Variants in CHST8 observed in about 807,000 individuals in gnomAD.
CHST8 encodes the protein GALNAC-4-ST1.
A neutral mutation model predicts 15.0 loss-of-function variants in CHST8; 10 were observed. The observed-to-expected ratio is 0.67, with a 90% CI of 0.41 to 1.13. The LOEUF is 1.13. Ranked by LOEUF, CHST8 falls within the 50% of genes most tolerant of loss-of-function variation. The pLI is 0.00. For missense variants in CHST8, 634 were observed against 608.2 expected, an observed-to-expected ratio of 1.04 and a Z score of -0.45; for synonymous variants, 259 against 256.6, an observed-to-expected ratio of 1.01 and a Z score of -0.09.
intron 1 of CHST8, among the ~76,000 whole-genome samples, chr19:33,653,787 T>A (rs994033986): frequency 6.6e-6 from 1 of 152,190 alleles, no homozygotes; most frequent in African/African-American, 2.4e-5. Context: ...AATAAGTTGA[T>A]GTATATAAGG....
chr19:33,727,365 C>T (rs913101138), intron 3 of CHST8, among the ~76,000 whole-genome samples: 4 of 152,050 alleles, frequency 2.6e-5, no homozygotes, highest in Non-Finnish European at 5.9e-5. Context: ...AAGGAGTCGC[C>T]GTATGTGTGA....
Position 33,635,247 on chromosome 19 carries a change from A to C in CHST8, c.-164+12951A>C, listed in dbSNP as rs968498893. Among the ~76,000 whole-genome samples the C allele has an allele frequency of 2.0e-5, 3 of 152,080 alleles. No homozygotes were observed. The East Asian group carries it at 5.8e-4, about 29-fold the overall frequency. Reference sequence around the variant, plus strand: ...TCCACTCCTGCCCCTCAGCGTTTTCATGAAGACCGTGGTGAAGCCTCCTTT... The same window carrying C: ...TCCACTCCTGCCCCTCAGCGTTTTCCTGAAGACCGTGGTGAAGCCTCCTTT... On this transcript the variant is annotated intron_variant, in intron 1 of 4. Coordinates refer to ENST00000650847, the MANE Select transcript of CHST8 (RefSeq NM_001127895.2).
chr19:33,669,322 G>T (rs1311905160), intron 2 of CHST8, among the ~76,000 whole-genome samples: 2 of 152,040 alleles, frequency 1.3e-5, no homozygotes, highest in African/African-American at 4.8e-5. Context: ...GTCCCTTTTG[G>T]GTGTAGCTGA....
intron 3 of CHST8, among the ~76,000 whole-genome samples, chr19:33,708,592 T>C (rs1039361282): frequency 5.9e-5 from 9 of 152,384 alleles, no homozygotes; most frequent in African/African-American, 2.2e-4. Flanking sequence ...TGTATGTCTA[T>C]TCTTTTGCCA....
At chr19:33,687,827 G>T (rs1303340510) in intron 2 of CHST8, among the ~76,000 whole-genome samples, 1 of 152,086 alleles carries the variant, frequency 6.6e-6, no homozygotes, top group Non-Finnish European at 1.5e-5. Context: ...CCAGTGCCTG[G>T]GTCCGTGTTG....
At chr19:33,679,366 A>G (rs1972855297) in intron 2 of CHST8, among the ~76,000 whole-genome samples, 1 of 152,206 alleles carries the variant, frequency 6.6e-6, no homozygotes, top group African/African-American at 2.4e-5. Flanking sequence ...CCAGCAGCTC[A>G]GGTGGGGAGA....
intron 3 of CHST8, among the ~76,000 whole-genome samples, chr19:33,699,645 G>A (rs1435576799): frequency 6.6e-6 from 1 of 152,130 alleles, no homozygotes; most frequent in African/African-American, 2.4e-5. Flanking sequence ...AGAGCCAGAA[G>A]TCCAATGCCC....
intron 1 of CHST8, among the ~76,000 whole-genome samples, chr19:33,634,405 A>G (rs1372778282): frequency 6.6e-6 from 1 of 152,178 alleles, no homozygotes. Context: ...CCCAAATTGT[A>G]GAACTCACTT....
Position 33,772,213 on chromosome 19 carries a change from T to C in CHST8, c.425T>C (p.Leu142Pro). The C allele has an allele frequency of 6.3e-7, 1 of 1,595,536 alleles. No homozygotes were observed. The highest frequency in any genetic ancestry group is 1.3e-5 in the African/African-American group (1 of 74,860). The change falls in exon 5 of 5, where the codon CTG (leucine) becomes CCG (proline). Residue 142 changes from leucine (L) to proline (P), a missense_variant. Coordinates refer to ENST00000650847, the MANE Select transcript of CHST8 (RefSeq NM_001127895.2). ...APFIRPGPGT[L>P]DGRWVSLHRS... ...TTCATCCGGCCGGGACCCGGGACGCTGGATGGCCGCTGGGTCAGCCTGCAC... is the reference window on the plus strand; with the variant it reads ...TTCATCCGGCCGGGACCCGGGACGCCGGATGGCCGCTGGGTCAGCCTGCAC...
At chr19:33,653,126 T>A (rs1464986691) in intron 1 of CHST8, among the ~76,000 whole-genome samples, 5 of 152,228 alleles carry the variant, frequency 3.3e-5, no homozygotes, top group Non-Finnish European at 7.3e-5. Flanking sequence ...TTTGTGTGTG[T>A]GAGAGTTCTG....
At chr19:33,644,456 C>T (rs974418141) in intron 1 of CHST8, among the ~76,000 whole-genome samples, 6 of 150,564 alleles carry the variant, frequency 4.0e-5, no homozygotes, top group African/African-American at 1.5e-4. Flanking sequence ...ATATGATGGC[C>T]GGGTGTGGTG....
chr19:33,672,914 T>A (rs1394767525), intron 2 of CHST8, among the ~76,000 whole-genome samples: 1 of 152,134 alleles, frequency 6.6e-6, no homozygotes, highest in Non-Finnish European at 1.5e-5. Context: ...GATGAAGACA[T>A]CACGTGGGGT....
At chr19:33,686,337 G>A (rs763903133) in intron 2 of CHST8, among the ~76,000 whole-genome samples, 77 of 152,188 alleles carry the variant, frequency 5.1e-4, no homozygotes, top group Admixed American at 1.2e-3. Flanking sequence ...GCTGGAGCCA[G>A]GCATCATGGG....
chr19:33,645,430 A>G (rs1972340345), intron 1 of CHST8, among the ~76,000 whole-genome samples: 1 of 152,192 alleles, frequency 6.6e-6, no homozygotes, highest in Non-Finnish European at 1.5e-5. Flanking sequence ...GGAGAGGATG[A>G]TCCAGCCAAG....
intron 1 of CHST8, among the ~76,000 whole-genome samples, chr19:33,647,221 C>G (rs930997433): frequency 6.6e-6 from 1 of 152,066 alleles, no homozygotes; most frequent in African/African-American, 2.4e-5. Flanking sequence ...TATTCCAACG[C>G]GAAGACTCCA....
intron 3 of CHST8, among the ~76,000 whole-genome samples, chr19:33,692,295 C>T (rs1973112334): frequency 6.6e-6 from 1 of 152,198 alleles, no homozygotes; most frequent in East Asian, 1.9e-4. Context: ...GATTGCCAGG[C>T]CCTGAGGCCA....
chr19:33,683,999 G>A (rs1972932319), intron 2 of CHST8, among the ~76,000 whole-genome samples: 1 of 152,210 alleles, frequency 6.6e-6, no homozygotes, highest in Admixed American at 6.5e-5. Flanking sequence ...CATGTAAGAA[G>A]CCCTGGGCAG....
At chr19:33,705,571 C>T (rs968005687) in intron 3 of CHST8, among the ~76,000 whole-genome samples, 1 of 152,210 alleles carries the variant, frequency 6.6e-6, no homozygotes, top group Non-Finnish European at 1.5e-5. Context: ...AGCTTTCCTG[C>T]GAGTGGGCAC....
At chr19:33,644,966 A>C (rs1286669979) in intron 1 of CHST8, among the ~76,000 whole-genome samples, 3 of 152,132 alleles carry the variant, frequency 2.0e-5, no homozygotes, top group Admixed American at 2.0e-4. Context: ...TCCCAGGGGA[A>C]TTTGGCAACA....
Sources: allele counts gnomAD v4.1 joint callset (sites outside exome capture counted in the v4.1 genomes callset), GRCh38; gene constraint gnomAD v4.1.1; transcripts MANE v1.5; gene names NCBI Gene and HGNC (gene_info 2026-07-23, HGNC 2026-07-21).